FAT3: variants seen among roughly 807,000 people sequenced by gnomAD.
The protein encoded by FAT3 is FAT atypical cadherin 3.
Under a neutral mutation model 310.2 loss-of-function variants are expected in FAT3, and 95 were observed. The observed-to-expected ratio is 0.31, with a 90% confidence interval of 0.26 to 0.36. The LOEUF is 0.36. Ranked by LOEUF, FAT3 falls within the 10% of genes least tolerant of loss-of-function variation. The probability of loss-of-function intolerance (pLI) is 1.00; values close to 1 mark genes in which losing one functional copy is unlikely to be tolerated. For synonymous variants in FAT3, 2,314 were observed against 2,192.9 expected, an observed-to-expected ratio of 1.06 and a Z score of -1.54; for missense variants, 5,408 against 5,715.6, an observed-to-expected ratio of 0.95 and a Z score of 1.74.
intron 1 of FAT3, among the ~76,000 whole-genome samples, chr11:92,294,875 T>A (rs1946808163): frequency 6.6e-6 from 1 of 152,086 alleles, no homozygotes; most frequent in South Asian, 2.1e-4. Context: ...CTCTTTCAAG[T>A]CTTGTGTTTT....
At chr11:92,819,318 A>G (rs1462159692) in intron 13 of FAT3, among the ~76,000 whole-genome samples, 2 of 152,212 alleles carry the variant, frequency 1.3e-5, no homozygotes, top group Non-Finnish European at 2.9e-5. Flanking sequence ...ATAAGACTCT[A>G]GATCAGTGGT....
intron 6 of FAT3, among the ~76,000 whole-genome samples, chr11:92,771,349 A>G (rs943176883): frequency 3.9e-5 from 6 of 152,148 alleles, no homozygotes; most frequent in African/African-American, 1.4e-4. Flanking sequence ...CTTTCAGGCT[A>G]AAAGGGAGCC....
intron 1 of FAT3, among the ~76,000 whole-genome samples, chr11:92,232,494 G>C (rs1864224867): frequency 6.6e-6 from 1 of 152,124 alleles, no homozygotes; most frequent in Non-Finnish European, 1.5e-5. Context: ...AGTGAACAAG[G>C]ATTTGGATTT....
intron 1 of FAT3, among the ~76,000 whole-genome samples, chr11:92,252,443 T>C (rs972705373): frequency 1.3e-5 from 2 of 152,090 alleles, no homozygotes; most frequent in Non-Finnish European, 2.9e-5. Context: ...ATGGTTATAC[T>C]GGCATGGTTA....
chr11:92,797,724 A>G, intron 9 of FAT3, 112 bp from the exon 10 acceptor site: 2 of 880,804 alleles, frequency 2.3e-6, no homozygotes, highest in Non-Finnish European at 3.5e-6. Context: ...TGAGTACTAT[A>G]ATTGCTTTCT....
chr11:92,748,081 T>A (rs1320125742), intron 4 of FAT3, among the ~76,000 whole-genome samples: 3 of 152,204 alleles, frequency 2.0e-5, no homozygotes, highest in Non-Finnish European at 4.4e-5. Flanking sequence ...GTTTTCATGC[T>A]GCTAATGAAG....
At chr11:92,309,673 C>T (rs1947245506) in intron 1 of FAT3, among the ~76,000 whole-genome samples, 1 of 152,072 alleles carries the variant, frequency 6.6e-6, no homozygotes. Flanking sequence ...TAGCTGGTAT[C>T]TCAGACAGTG....
intron 1 of FAT3, among the ~76,000 whole-genome samples, chr11:92,294,020 A>G (rs1946780827): frequency 6.6e-6 from 1 of 152,016 alleles, no homozygotes; most frequent in Non-Finnish European, 1.5e-5. Flanking sequence ...GGGCTGCCAT[A>G]ACAAAATATC....
At chr11:92,679,279 G>GTTTA (rs1235672922) in intron 3 of FAT3, among the ~76,000 whole-genome samples, 285 of 150,674 alleles carry the variant, frequency 1.9e-3, no homozygotes, top group African/African-American at 4.8e-3. Context: ...TTTTTTTTTG[G>GTTTA]TTTATTTATT....
chr11:92,413,360 G>A (rs956031977), intron 2 of FAT3, among the ~76,000 whole-genome samples: 10 of 152,134 alleles, frequency 6.6e-5, no homozygotes, highest in African/African-American at 2.4e-4. Flanking sequence ...AACGTAGTAG[G>A]TGTTTAGCAA....
At chr11:92,771,951 C>A (rs1946469430) in intron 6 of FAT3, among the ~76,000 whole-genome samples, 1 of 152,042 alleles carries the variant, frequency 6.6e-6, no homozygotes, top group African/African-American at 2.4e-5. Context: ...AATTGGACTG[C>A]CCCATTTAAA....
At chr11:92,855,162 G>A (rs749700880) in intron 19 of FAT3, among the ~76,000 whole-genome samples, 5 of 152,228 alleles carry the variant, frequency 3.3e-5, no homozygotes, top group Non-Finnish European at 7.3e-5. Context: ...CAGAGACTGA[G>A]ATGAAGTCAC....
intron 3 of FAT3, among the ~76,000 whole-genome samples, chr11:92,647,626 C>G (rs1228465375): frequency 6.6e-6 from 1 of 152,100 alleles, no homozygotes; most frequent in Non-Finnish European, 1.5e-5. Flanking sequence ...TCAACATGAA[C>G]AGCAGCTTCT....
At chr11:92,496,240 G>T (rs933080620) in intron 2 of FAT3, among the ~76,000 whole-genome samples, 1 of 151,970 alleles carries the variant, frequency 6.6e-6, no homozygotes, top group Admixed American at 6.6e-5. Context: ...TCGAGATTTT[G>T]CTCAATTCTA....
At chr11:92,813,677 C>T (rs1469231617) in intron 13 of FAT3, among the ~76,000 whole-genome samples, 1 of 151,790 alleles carries the variant, frequency 6.6e-6, no homozygotes, top group Non-Finnish European at 1.5e-5. Flanking sequence ...TAGTTTGTAA[C>T]CTTTTGAGAT....
At chr11:92,790,315 A>G in intron 8 of FAT3, 97 bp downstream of exon 8, 1 of 1,292,736 alleles carries the variant, frequency 7.7e-7, no homozygotes, top group Non-Finnish European at 1.1e-6. Context: ...AAATTTTATA[A>G]GTAGTTGTAA....
At chr11:92,881,746 A>G (rs1403291283) in intron 23 of FAT3, among the ~76,000 whole-genome samples, 2 of 152,236 alleles carry the variant, frequency 1.3e-5, no homozygotes, top group Non-Finnish European at 2.9e-5. Flanking sequence ...ATGTTCTCAA[A>G]TAATACTAAG....
intron 2 of FAT3, among the ~76,000 whole-genome samples, chr11:92,512,649 G>A (rs1279971142): frequency 2.1e-5 from 3 of 145,850 alleles, no homozygotes; most frequent in Non-Finnish European, 4.5e-5. Context: ...TATATATCTT[G>A]ATTTCTTGGA....
At chr11:92,337,534 C>T (rs1256275523) in intron 1 of FAT3, among the ~76,000 whole-genome samples, 1 of 152,186 alleles carries the variant, frequency 6.6e-6, no homozygotes, top group Non-Finnish European at 1.5e-5. Flanking sequence ...TGGGTTCAAG[C>T]CATCCTCCTG....
Sources: allele counts gnomAD v4.1 joint callset (sites outside exome capture counted in the v4.1 genomes callset), GRCh38; gene constraint gnomAD v4.1.1; transcripts MANE v1.5; gene names NCBI Gene and HGNC (gene_info 2026-07-23, HGNC 2026-07-21).